The following BRD10 variants were observed in gnomAD, a reference collection of about 807,000 sequenced individuals.
BRD10 encodes bromodomain containing 10.
chr9:5,939,368 T>A, the BRD10 span, among the ~76,000 whole-genome samples: 1 of 152,218 alleles, frequency 6.6e-6, no homozygotes, highest in Non-Finnish European at 1.5e-5. Context: ...TATCTTCAGT[T>A]AAGAACATAT....
chr9:5,984,000 CACA>C, the BRD10 span, among the ~76,000 whole-genome samples: 2 of 151,220 alleles, frequency 1.3e-5, no homozygotes, highest in African/African-American at 4.9e-5. Flanking sequence ...CACACACACA[CACA>C]CACCCCTCTC....
the BRD10 span, among the ~76,000 whole-genome samples, chr9:5,990,796 C>G: frequency 2.0e-5 from 3 of 152,144 alleles, no homozygotes; most frequent in Admixed American, 6.6e-5. Context: ...GAAGTGTAAA[C>G]TGGCAGTCTT....
chr9:5,914,659 G>A, the BRD10 span, among the ~76,000 whole-genome samples: 14 of 151,812 alleles, frequency 9.2e-5, no homozygotes, highest in Admixed American at 9.2e-4. Context: ...TCCTGACCTC[G>A]TGATCTGCCC....
At chr9:5,998,762 A>ATT in the BRD10 span, among the ~76,000 whole-genome samples, 1 of 152,042 alleles carries the variant, frequency 6.6e-6, no homozygotes, top group African/African-American at 2.4e-5. Flanking sequence ...CTTGGATATG[A>ATT]TTAAGAGCTT....
the BRD10 span, among the ~76,000 whole-genome samples, chr9:5,941,375 T>C: frequency 6.6e-6 from 1 of 152,172 alleles, no homozygotes; most frequent in African/African-American, 2.4e-5. Flanking sequence ...CTTTAGATCA[T>C]GAAAGAATGC....
chr9:5,940,709 T>C, the BRD10 span, among the ~76,000 whole-genome samples: 2 of 152,030 alleles, frequency 1.3e-5, no homozygotes, highest in African/African-American at 4.8e-5. Flanking sequence ...GGAGGACAAA[T>C]GGGGAGAAAA....
chr9:5,921,463 G>C, the BRD10 span: 10 of 1,613,722 alleles, frequency 6.2e-6, no homozygotes, highest in Non-Finnish European at 6.8e-6. Flanking sequence ...TAGGAACTGG[G>C]GCATTAATAA....
At chr9:5,950,406 C>G in the BRD10 span, among the ~76,000 whole-genome samples, 1 of 152,292 alleles carries the variant, frequency 6.6e-6, no homozygotes, top group East Asian at 1.9e-4. Flanking sequence ...TATTACCCCA[C>G]TGTACAAATG....
the BRD10 span, among the ~76,000 whole-genome samples, chr9:6,004,165 CACTT>C: frequency 4.6e-5 from 7 of 152,206 alleles, no homozygotes; most frequent in Non-Finnish European, 1.5e-5. Context: ...TACCTCGTCT[CACTT>C]GTCATCCCCA....
At chr9:5,906,072 T>A in the BRD10 span, among the ~76,000 whole-genome samples, 13 of 151,894 alleles carry the variant, frequency 8.6e-5, no homozygotes, top group African/African-American at 2.9e-4. Flanking sequence ...GACAAATATG[T>A]TGGGTGCAGT....
At chr9:5,922,424 G>A in the BRD10 span, 1 of 1,613,972 alleles carries the variant, frequency 6.2e-7, no homozygotes, top group Non-Finnish European at 8.5e-7. Flanking sequence ...ACTTACAGAG[G>A]TTACAGGCGA....
At chr9:5,929,211 T>G in the BRD10 span, 1 of 933,344 alleles carries the variant, frequency 1.1e-6, no homozygotes, top group Non-Finnish European at 1.7e-6. Context: ...AAAGTAAATG[T>G]CAAAACTTAT....
the BRD10 span, among the ~76,000 whole-genome samples, chr9:5,917,489 G>A: frequency 3.9e-5 from 6 of 152,200 alleles, no homozygotes; most frequent in Non-Finnish European, 8.8e-5. Context: ...AGGTTCACCA[G>A]ATCACACAGA....
At chr9:5,996,318 TGTTG>T in the BRD10 span, among the ~76,000 whole-genome samples, 2 of 145,506 alleles carry the variant, frequency 1.4e-5, no homozygotes, top group African/African-American at 5.0e-5. Flanking sequence ...TTTTTTTTTT[TGTTG>T]TTGTTGTTGT....
chr9:5,920,310 G>A, the BRD10 span: 71 of 1,613,938 alleles, frequency 4.4e-5, no homozygotes, highest in Non-Finnish European at 5.6e-5. Flanking sequence ...ACAATAAACC[G>A]GGTTCCGTTA....
chr9:5,991,281 A>G, the BRD10 span, among the ~76,000 whole-genome samples: 13 of 152,066 alleles, frequency 8.5e-5, no homozygotes, highest in African/African-American at 2.7e-4. Context: ...CTAGTAGTGT[A>G]TCTGTACATG....
chr9:5,923,201 C>T, the BRD10 span: 1 of 1,613,958 alleles, frequency 6.2e-7, no homozygotes, highest in African/African-American at 1.3e-5. Flanking sequence ...TTTGGACTGT[C>T]GTTTAAGTGT....
chr9:5,987,696 G>C, the BRD10 span, among the ~76,000 whole-genome samples: 1 of 152,186 alleles, frequency 6.6e-6, no homozygotes, highest in Non-Finnish European at 1.5e-5. Flanking sequence ...TATAACATTA[G>C]TAATCACTCC....
At chr9:5,908,544 G>T in the BRD10 span, 1 of 1,086,002 alleles carries the variant, frequency 9.2e-7, no homozygotes, top group Non-Finnish European at 1.4e-6. Context: ...CAGTCCACAG[G>T]GAAAGTATAA....
Sources: gnomAD v4.1 joint callset for allele counts (sites outside exome capture counted in the v4.1 genomes callset) on GRCh38, gnomAD v4.1.1 for gene constraint, MANE v1.5 for transcripts, NCBI Gene and HGNC (gene_info 2026-07-23, HGNC 2026-07-21) for gene names.